Variants in NTM observed in about 807,000 individuals in gnomAD.
The protein encoded by NTM is neurotrimin.
A neutral mutation model predicts 42.1 loss-of-function variants in NTM; 13 were observed. The observed-to-expected ratio is 0.31, with a 90% CI of 0.20 to 0.49. The LOEUF is 0.49. NTM is among the 20% of genes least tolerant of loss of function. The pLI is 0.99. For synonymous variants in NTM, 187 were observed against 179.2 expected, an observed-to-expected ratio of 1.04 and a Z score of -0.35; for missense variants, 373 against 452.8, an observed-to-expected ratio of 0.82 and a Z score of 1.60.
intron 1 of NTM, among the ~76,000 whole-genome samples, chr11:131,394,231 T>C (rs1944319761): frequency 6.6e-6 from 1 of 152,168 alleles, no homozygotes; most frequent in South Asian, 2.1e-4. Context: ...TTTCTTTCTT[T>C]TTCCCCTGGC....
At chr11:132,038,108 G>A (rs1249845631) in intron 2 of NTM, among the ~76,000 whole-genome samples, 1 of 152,230 alleles carries the variant, frequency 6.6e-6, no homozygotes. Flanking sequence ...CTTGCCTGTG[G>A]CATGTGTTGC....
intron 4 of NTM, among the ~76,000 whole-genome samples, chr11:132,243,670 A>T (rs2090590257): frequency 6.6e-6 from 1 of 152,166 alleles, no homozygotes; most frequent in African/African-American, 2.4e-5. Flanking sequence ...TGACCTTCCG[A>T]TGTACCCAAG....
chr11:132,310,917 T>C (rs1185708946), intron 6 of NTM, among the ~76,000 whole-genome samples: 4 of 152,172 alleles, frequency 2.6e-5, no homozygotes, highest in African/African-American at 9.6e-5. Flanking sequence ...ATTGCTGTTA[T>C]CAAAGAGCCA....
intron 1 of NTM, among the ~76,000 whole-genome samples, chr11:131,910,302 T>G (rs183738794): frequency 3.0e-4 from 45 of 152,326 alleles, no homozygotes; most frequent in Non-Finnish European, 5.6e-4. Flanking sequence ...TTAATTAGTT[T>G]GTGACCCTTA....
At chr11:131,548,381 A>G (rs1233166480) in intron 1 of NTM, among the ~76,000 whole-genome samples, 1 of 152,142 alleles carries the variant, frequency 6.6e-6, no homozygotes, top group Non-Finnish European at 1.5e-5. Context: ...AGGCATAAAA[A>G]TTATTATTTT....
At chr11:131,496,331 T>G (rs318968) in intron 1 of NTM, among the ~76,000 whole-genome samples, 1 of 152,116 alleles carries the variant, frequency 6.6e-6, no homozygotes, top group South Asian at 2.1e-4. Flanking sequence ...TGTCTGGTGA[T>G]GCTGCATCTG....
intron 2 of NTM, among the ~76,000 whole-genome samples, chr11:132,145,935 A>G (rs1434803818): frequency 1.3e-5 from 2 of 152,224 alleles, no homozygotes; most frequent in African/African-American, 4.8e-5. Flanking sequence ...AGACATAACT[A>G]TGAAGGATTA....
rs186319605 is a variant in NTM at position 131,885,382 on chromosome 11, G to A, written c.83-26182G>A. 2.4e-4 allele frequency among the ~76,000 whole-genome samples: 37 copies of A among 152,312 alleles called. 2 individuals are homozygous for A. The East Asian group carries it at 6.6e-3, about 27-fold the overall frequency. ...AAGCCTGCACTGGCTACACAACTGCGGGCAGGTGGGGGCCCCGTGGAGAGC... is the reference window on the plus strand; with the variant it reads ...AAGCCTGCACTGGCTACACAACTGCAGGCAGGTGGGGGCCCCGTGGAGAGC... On this transcript the variant is annotated intron_variant, in intron 1 of 8. Coordinates refer to ENST00000683400, the MANE Select transcript of NTM (RefSeq NM_001352005.2).
At chr11:131,801,930 C>G (rs1020864570) in intron 1 of NTM, among the ~76,000 whole-genome samples, 1 of 152,136 alleles carries the variant, frequency 6.6e-6, no homozygotes, top group African/African-American at 2.4e-5. Flanking sequence ...CCTCTGACCT[C>G]TCAAGGAATT....
chr11:131,456,963 G>A lies in NTM; in HGVS notation c.82+86075G>A, dbSNP rs529730248. On this transcript the variant is annotated intron_variant, in intron 1 of 8. Coordinates refer to ENST00000683400, the MANE Select transcript of NTM (RefSeq NM_001352005.2). ...TGTGTGAGGTCCTATGCTGGATGAC[G>A]GAGGTCCAGCATCATATAAGATGCT... 4.6e-5 allele frequency among the ~76,000 whole-genome samples: 7 copies of A among 152,270 alleles called. No individual in the cohort carries two copies. In the South Asian group the frequency reaches 8.3e-4, roughly 18 times the overall value.
At chr11:132,071,007 G>A (rs1486379711) in intron 2 of NTM, among the ~76,000 whole-genome samples, 1 of 140,194 alleles carries the variant, frequency 7.1e-6, no homozygotes, top group African/African-American at 2.6e-5. Flanking sequence ...ACGTCACACT[G>A]ACCATCACAG....
At chr11:131,985,148 G>T (rs923308242) in intron 2 of NTM, among the ~76,000 whole-genome samples, 1 of 152,126 alleles carries the variant, frequency 6.6e-6, no homozygotes. Flanking sequence ...AAACAAAGAG[G>T]AGTAATCAAT....
intron 1 of NTM, among the ~76,000 whole-genome samples, chr11:131,523,947 A>T (rs2050113775): frequency 6.6e-6 from 1 of 152,030 alleles, no homozygotes; most frequent in East Asian, 1.9e-4. Flanking sequence ...CTGAGGGAGG[A>T]AGACTGCAGA....
At chr11:132,052,678 A>T (rs1189078634) in intron 2 of NTM, among the ~76,000 whole-genome samples, 1 of 152,000 alleles carries the variant, frequency 6.6e-6, no homozygotes, top group African/African-American at 2.4e-5. Flanking sequence ...ATGTTATTTG[A>T]TTTGGGGATT....
intron 3 of NTM, among the ~76,000 whole-genome samples, chr11:132,167,661 T>A (rs1454600309): frequency 6.6e-6 from 1 of 152,196 alleles, no homozygotes; most frequent in South Asian, 2.1e-4. Flanking sequence ...GATCCTTAGA[T>A]GAAGGGAAGG....
At chr11:131,377,075 C>T (rs546382273) in intron 1 of NTM, among the ~76,000 whole-genome samples, 2 of 152,276 alleles carry the variant, frequency 1.3e-5, no homozygotes, top group South Asian at 4.1e-4. Flanking sequence ...CATGGCACAG[C>T]CTCTGGCCTC....
chr11:131,838,219 A>G (rs1339223875), intron 1 of NTM, among the ~76,000 whole-genome samples: 1 of 152,082 alleles, frequency 6.6e-6, no homozygotes, highest in Non-Finnish European at 1.5e-5. Context: ...GGTCCTGCGC[A>G]TGCTCAGTGA....
At chr11:132,112,340 G>A (rs961162878) in intron 2 of NTM, among the ~76,000 whole-genome samples, 1 of 152,094 alleles carries the variant, frequency 6.6e-6, no homozygotes, top group African/African-American at 2.4e-5. Context: ...TCACAGAAGG[G>A]TACAGCTCAA....
At chr11:131,684,068 C>T (rs553412193) in intron 1 of NTM, among the ~76,000 whole-genome samples, 47 of 152,264 alleles carry the variant, frequency 3.1e-4, no homozygotes, top group African/African-American at 1.1e-3. Context: ...GAGGAGAATT[C>T]AAGATCACTT....
Sources: allele counts gnomAD v4.1 joint callset (sites outside exome capture counted in the v4.1 genomes callset), GRCh38; gene constraint gnomAD v4.1.1; transcripts MANE v1.5; gene names NCBI Gene and HGNC (gene_info 2026-07-23, HGNC 2026-07-21).